The following ATG5 variants were observed in gnomAD, a reference collection of about 807,000 sequenced individuals.
ATG5 encodes the protein autophagy protein 5.
Under a neutral mutation model 36.5 loss-of-function variants are expected in ATG5, and 14 were observed. The observed-to-expected ratio is 0.38, with a 90% CI of 0.25 to 0.60. The LOEUF (loss-of-function observed/expected upper bound fraction) is 0.60, where lower values mean the gene tolerates loss of function less well. Ranked by LOEUF, ATG5 falls within the 20% of genes least tolerant of loss-of-function variation. ATG5 has a pLI of 0.60. For synonymous variants in ATG5, 95 were observed against 101.5 expected (o/e 0.94, Z 0.38); for missense variants, 195 against 326.7 (o/e 0.60, Z 3.11).
intron 5 of ATG5, among the ~76,000 whole-genome samples, chr6:106,259,811 A>G (rs1778943095): frequency 6.6e-6 from 1 of 152,236 alleles, no homozygotes; most frequent in African/African-American, 2.4e-5. Flanking sequence ...ATAGTTTAAG[A>G]AAAAATAGTT....
At chr6:106,194,776 AT>A (rs1776111640) in intron 7 of ATG5, among the ~76,000 whole-genome samples, 4 of 152,164 alleles carry the variant, frequency 2.6e-5, no homozygotes, top group African/African-American at 9.7e-5. Flanking sequence ...ACCTCAGGTG[AT>A]CCACCCGCCT....
At position 106,193,760 on chromosome 6, in the gene ATG5, T is replaced by C. The variant is rs1392400008; in HGVS notation, c.692-7084A>G. Among the ~76,000 whole-genome samples, 5 of 152,216 alleles carry C rather than the reference T, an allele frequency of 3.3e-5. No individual in the cohort carries two copies. In the East Asian group the frequency reaches 5.8e-4, roughly 18 times the overall value. ...TATTTGTCAAGTATGAACTACAGAA[T>C]AGCTCAACTTACTTGCTTTATTTAA... On this transcript the variant is annotated intron_variant, in intron 7 of 7. Coordinates refer to ENST00000369076, the MANE Select transcript of ATG5 (RefSeq NM_004849.4).
intron 5 of ATG5, among the ~76,000 whole-genome samples, chr6:106,272,374 T>TAC (rs1325203546): frequency 6.6e-6 from 1 of 152,212 alleles, no homozygotes; most frequent in African/African-American, 2.4e-5. Flanking sequence ...TAAAATGGCC[T>TAC]ACAAAGCCCT....
intron 3 of ATG5, among the ~76,000 whole-genome samples, chr6:106,306,640 C>T (rs569159936): frequency 6.6e-6 from 1 of 152,290 alleles, no homozygotes; most frequent in South Asian, 2.1e-4. Context: ...GCTAGTCACA[C>T]AAAATTCTGA....
At chr6:106,215,006 T>C (rs1387206379) in intron 6 of ATG5, among the ~76,000 whole-genome samples, 1 of 152,204 alleles carries the variant, frequency 6.6e-6, no homozygotes, top group Non-Finnish European at 1.5e-5. Context: ...TTATATATAA[T>C]AGCTTTAAAA....
At chr6:106,320,642 A>G (rs1771029564) in intron 1 of ATG5, among the ~76,000 whole-genome samples, 1 of 151,296 alleles carries the variant, frequency 6.6e-6, no homozygotes, top group South Asian at 2.1e-4. Context: ...AAAAAAATCC[A>G]TAAAGTGTTT....
chr6:106,219,536 T>A lies in ATG5; in HGVS notation c.574-17447A>T, dbSNP rs617994. 9.3e-4 allele frequency among the ~76,000 whole-genome samples: 141 copies of A among 152,022 alleles called. 1 individual carries two copies. In the East Asian group the frequency reaches 0.026, roughly 28 times the overall value. On this transcript the variant is annotated intron_variant, in intron 6 of 7. Coordinates refer to ENST00000369076, the MANE Select transcript of ATG5 (RefSeq NM_004849.4). Reference sequence around the variant, plus strand: ...CCTAACTACAGTATAACAACTATTTTCACAGTGTGTACATGTGTATGAAAT... The same window carrying A: ...CCTAACTACAGTATAACAACTATTTACACAGTGTGTACATGTGTATGAAAT...
At chr6:106,284,898 T>G (rs1187632632) in intron 4 of ATG5, among the ~76,000 whole-genome samples, 2 of 152,226 alleles carry the variant, frequency 1.3e-5, no homozygotes, top group African/African-American at 4.8e-5. Context: ...ATTAAACTGT[T>G]ATTAGATAGT....
intron 5 of ATG5, among the ~76,000 whole-genome samples, chr6:106,273,293 G>A (rs1779523252): frequency 6.6e-6 from 1 of 152,106 alleles, no homozygotes; most frequent in Non-Finnish European, 1.5e-5. Flanking sequence ...AAAAACTCTT[G>A]TTTCTGTTTT....
At chr6:106,256,950 T>C (rs573871641) in intron 5 of ATG5, among the ~76,000 whole-genome samples, 11 of 152,372 alleles carry the variant, frequency 7.2e-5, no homozygotes, top group African/African-American at 2.4e-4. Context: ...TTGAGTCTTT[T>C]GTAATAACAC....
At position 106,249,499 on chromosome 6, in the gene ATG5, T is replaced by C. The variant is rs76235610; in HGVS notation, c.479-1255A>G. 5.7e-3 allele frequency among the ~76,000 whole-genome samples: 867 copies of C among 152,340 alleles called. 10 individuals carry two copies. Among genetic ancestry groups the C allele is most frequent in the African/African-American group, 0.02 (832 of 41,574 alleles). On this transcript the variant is annotated intron_variant, in intron 5 of 7. Coordinates refer to ENST00000369076, the MANE Select transcript of ATG5 (RefSeq NM_004849.4). ...CCAGATTTTTGTTCTCTCAGTTGAC[T>C]GACATTTAAGTAGTTTCCGCTTTTT... is the stretch of plus-strand genomic sequence containing the variant.
intron 7 of ATG5, among the ~76,000 whole-genome samples, chr6:106,200,434 T>C (rs969995544): frequency 3.2e-4 from 49 of 152,066 alleles, no homozygotes; most frequent in Non-Finnish European, 5.4e-4. Flanking sequence ...GATTTAAAGT[T>C]TTTTAAAAAA....
chr6:106,294,943 T>C (rs1780482405), intron 3 of ATG5, among the ~76,000 whole-genome samples: 1 of 151,646 alleles, frequency 6.6e-6, no homozygotes, highest in African/African-American at 2.4e-5. Flanking sequence ...CTCTTAATAA[T>C]ATCCCTTAAA....
chr6:106,288,217 T>C (rs1285090229), intron 4 of ATG5, among the ~76,000 whole-genome samples: 2 of 152,090 alleles, frequency 1.3e-5, no homozygotes, highest in Non-Finnish European at 2.9e-5. Flanking sequence ...GAGATCCACC[T>C]GCCTCACCTC....
intron 5 of ATG5, among the ~76,000 whole-genome samples, chr6:106,256,573 C>T (rs548012752): frequency 2.0e-5 from 3 of 152,286 alleles, no homozygotes; most frequent in South Asian, 4.1e-4. Context: ...ATCATGCGAA[C>T]ATCATAGAAT....
rs572691946 is a variant in ATG5, at chr6:106,315,286, A to G, written c.108+815T>C. Among the ~76,000 whole-genome samples, 3 of 152,340 alleles carry G rather than the reference A, an allele frequency of 2.0e-5. No individual in the cohort carries two copies. The South Asian group carries it at 6.2e-4, about 32-fold the overall frequency. On this transcript the variant is annotated intron_variant, in intron 2 of 7. Transcript: ENST00000369076. ...CACAAATACACTTCTACTTTTCCACATCATCTCCAGGTAAACACTAGAATG... is the reference window on the plus strand; with the variant it reads ...CACAAATACACTTCTACTTTTCCACGTCATCTCCAGGTAAACACTAGAATG...
intron 6 of ATG5, among the ~76,000 whole-genome samples, chr6:106,246,726 G>A (rs552944859): frequency 1.6e-4 from 25 of 152,278 alleles, no homozygotes; most frequent in African/African-American, 4.3e-4. Context: ...CGGACTCTTT[G>A]TGAAATGTCT....
At chr6:106,303,955 T>A (rs1313584146) in intron 3 of ATG5, among the ~76,000 whole-genome samples, 3 of 150,318 alleles carry the variant, frequency 2.0e-5, no homozygotes, top group East Asian at 1.9e-4. Flanking sequence ...GTACTAGAAG[T>A]TCTAGCTACT....
chr6:106,294,544 A>T (rs1582665141), intron 3 of ATG5, among the ~76,000 whole-genome samples: 3 of 151,956 alleles, frequency 2.0e-5, no homozygotes, highest in African/African-American at 7.2e-5. Flanking sequence ...TGGGCTGGGT[A>T]CTGTAACTCA....
Sources: gnomAD v4.1 joint callset for allele counts (sites outside exome capture counted in the v4.1 genomes callset) on GRCh38, gnomAD v4.1.1 for gene constraint, MANE v1.5 for transcripts, NCBI Gene and HGNC (gene_info 2026-07-23, HGNC 2026-07-21) for gene names.